The following HS6ST2 variants were observed in gnomAD, a reference collection of about 807,000 sequenced individuals.
The protein encoded by HS6ST2 is heparan sulfate 6-O-sulfotransferase 2.
In HS6ST2, 17 loss-of-function variants were observed where a neutral mutation model predicts 33.0. The observed-to-expected ratio is 0.52, with a 90% CI of 0.35 to 0.77. HS6ST2 has a LOEUF of 0.77. HS6ST2 is among the 30% of genes least tolerant of loss of function. The probability of loss-of-function intolerance (pLI) is 0.01; values close to 1 mark genes in which losing one functional copy is unlikely to be tolerated. For missense variants in HS6ST2, 519 were observed against 551.7 expected (o/e 0.94, Z 0.59); for synonymous variants, 248 against 237.1 (o/e 1.05, Z -0.42).
intron 3 of HS6ST2, among the ~76,000 whole-genome samples, chrX:132,692,001 G>T (rs1351517619): frequency 8.9e-6 from 1 of 112,027 alleles, no homozygotes; most frequent in Non-Finnish European, 1.9e-5. Flanking sequence ...AACAGGAAAA[G>T]TATCTGTTTT....
At chrX:132,821,649 C>T (rs1196508853) in intron 2 of HS6ST2, among the ~76,000 whole-genome samples, 1 of 110,855 alleles carries the variant, frequency 9.0e-6, no homozygotes, top group Non-Finnish European at 1.9e-5. Flanking sequence ...AATGAAGAAT[C>T]TAAAAGAGTC....
In HS6ST2 at chrX:132,794,558, T is replaced by TGAC. The variant is rs369999481; in HGVS notation, c.948-86065_948-86064insGTC. 8.1e-3 allele frequency among the ~76,000 whole-genome samples: 771 copies of TGAC among 95,272 alleles called. 10 individuals are homozygous for TGAC. The highest frequency in any genetic ancestry group is 0.031 in the African/African-American group (749 of 24,265). The allele number at this position is 95,272 out of a possible 115,157, so 82.7% of individuals were successfully genotyped here. On this transcript the variant is annotated intron_variant, in intron 2 of 4. Transcript: ENST00000370833. ...ACAGGTGCATTTCACCACTCCTGGATGATGATGATGATGATGATTATTATT... is the reference window on the plus strand; with the variant it reads ...ACAGGTGCATTTCACCACTCCTGGATGACGATGATGATGATGATGATTATTATT...
chrX:132,632,940 G>T (rs1179958860), intron 4 of HS6ST2, among the ~76,000 whole-genome samples: 1 of 109,206 alleles, frequency 9.2e-6, no homozygotes, highest in Admixed American at 9.9e-5. Flanking sequence ...AGTGGGCGTG[G>T]TGGTGCACAC....
chrX:132,866,368 T>C (rs776626090), intron 2 of HS6ST2, among the ~76,000 whole-genome samples: 134 of 100,644 alleles, frequency 1.3e-3, no homozygotes, highest in African/African-American at 4.1e-3. Flanking sequence ...ACCATGCTGT[T>C]TTGGTTACTG....
At chrX:132,777,489 G>A (rs2064973595) in intron 2 of HS6ST2, among the ~76,000 whole-genome samples, 1 of 110,565 alleles carries the variant, frequency 9.0e-6, no homozygotes, top group Admixed American at 9.7e-5. Context: ...GGAGTGCAGT[G>A]GCACGATCTT....
intron 2 of HS6ST2, among the ~76,000 whole-genome samples, chrX:132,838,770 A>T (rs1266200700): frequency 9.1e-6 from 1 of 110,286 alleles, no homozygotes; most frequent in African/African-American, 3.3e-5. Flanking sequence ...ACCTGCCGTC[A>T]CTATTTTTTT....
chrX:132,890,108 G>A (rs937138987), intron 2 of HS6ST2, among the ~76,000 whole-genome samples: 6 of 111,685 alleles, frequency 5.4e-5, no homozygotes, highest in Admixed American at 2.9e-4. Context: ...TTAGCATTTA[G>A]TGAGTACTTG....
intron 2 of HS6ST2, among the ~76,000 whole-genome samples, chrX:132,911,999 T>A (rs1334545599): frequency 1.8e-5 from 2 of 111,666 alleles, no homozygotes; most frequent in Admixed American, 9.5e-5. Context: ...CTATCATATA[T>A]CCCTGTAGTT....
intron 2 of HS6ST2, among the ~76,000 whole-genome samples, chrX:132,806,569 C>T (rs931249397): frequency 9.1e-6 from 1 of 110,039 alleles, no homozygotes; most frequent in Non-Finnish European, 1.9e-5. Context: ...GCCATAGAAT[C>T]TCTATCACAA....
chrX:132,802,559 G>A (rs1368199314), intron 2 of HS6ST2, among the ~76,000 whole-genome samples: 1 of 111,163 alleles, frequency 9.0e-6, no homozygotes, highest in Non-Finnish European at 1.9e-5. Flanking sequence ...GAGCAGAGCA[G>A]CTATTTCCCC....
chrX:132,811,687 T>A (rs1232341538), intron 2 of HS6ST2, among the ~76,000 whole-genome samples: 3 of 60,053 alleles, frequency 5.0e-5, no homozygotes, highest in African/African-American at 1.8e-4. Flanking sequence ...GGCTGAATAA[T>A]ATATATATAT....
At chrX:132,647,934 A>T (rs1235350206) in intron 4 of HS6ST2, among the ~76,000 whole-genome samples, 2 of 112,459 alleles carry the variant, frequency 1.8e-5, no homozygotes, top group Non-Finnish European at 1.9e-5. Flanking sequence ...ACCTCTTATG[A>T]GATAGCAGTG....
chrX:132,690,710 T>C (rs2064057562), intron 3 of HS6ST2, among the ~76,000 whole-genome samples: 1 of 112,531 alleles, frequency 8.9e-6, no homozygotes, highest in Non-Finnish European at 1.9e-5. Context: ...GTACCTTAAG[T>C]CTATTCCCAT....
intron 3 of HS6ST2, among the ~76,000 whole-genome samples, chrX:132,690,702 A>T (rs1222065708): frequency 8.9e-6 from 1 of 112,168 alleles, no homozygotes; most frequent in Admixed American, 9.5e-5. Flanking sequence ...TCCTCACTGT[A>T]CCTTAAGTCT....
Position 132,941,705 on chromosome X carries a change from G to A in HS6ST2, c.947+15103C>T, listed in dbSNP as rs758585235. On this transcript the variant is annotated intron_variant, in intron 2 of 4. Coordinates refer to ENST00000370833, the MANE Select transcript of HS6ST2 (RefSeq NM_001394073.1). ...TTTATAACTTCATAAACATATAAACGAGAGGGAGATGCAGATTTAATGTAC... is the reference window on the plus strand; with the variant it reads ...TTTATAACTTCATAAACATATAAACAAGAGGGAGATGCAGATTTAATGTAC... Among the ~76,000 whole-genome samples the A allele has an allele frequency of 5.9e-4, 66 of 111,882 alleles. No homozygotes were observed. The Middle Eastern group carries it at 0.019, about 31-fold the overall frequency.
intron 2 of HS6ST2, among the ~76,000 whole-genome samples, chrX:132,828,693 T>TACACAC (rs779585327): frequency 2.7e-5 from 2 of 72,938 alleles, no homozygotes; most frequent in African/African-American, 1.2e-4. Context: ...TATATATATA[T>TACACAC]ACACACACAC....
chrX:132,952,218 G>C (rs1330679080), intron 2 of HS6ST2, among the ~76,000 whole-genome samples: 1 of 111,795 alleles, frequency 8.9e-6, no homozygotes, highest in Non-Finnish European at 1.9e-5. Flanking sequence ...CACCATGTTC[G>C]ACATCCATGC....
intron 2 of HS6ST2, among the ~76,000 whole-genome samples, chrX:132,819,074 A>G (rs2065425591): frequency 9.0e-6 from 1 of 110,870 alleles, no homozygotes; most frequent in African/African-American, 3.3e-5. Flanking sequence ...ACACAGAATG[A>G]GCTAGTTGAT....
At chrX:132,740,854 G>T (rs1376258030) in intron 2 of HS6ST2, among the ~76,000 whole-genome samples, 2 of 110,996 alleles carry the variant, frequency 1.8e-5, no homozygotes, top group Non-Finnish European at 3.8e-5. Flanking sequence ...GACACCACTG[G>T]GAACATGGAT....
Sources: gnomAD v4.1 joint callset for allele counts (sites outside exome capture counted in the v4.1 genomes callset) on GRCh38, gnomAD v4.1.1 for gene constraint, MANE v1.5 for transcripts, NCBI Gene and HGNC (gene_info 2026-07-23, HGNC 2026-07-21) for gene names.